Variants in ZNF44 observed in about 807,000 individuals in gnomAD.
ZNF44 encodes the protein gonadotropin inducible transcription repressor-2.
A neutral mutation model predicts 11.7 loss-of-function variants in ZNF44; 9 were observed. That is an observed-to-expected ratio of 0.77 (90% confidence interval 0.46 to 1.35). The LOEUF (loss-of-function observed/expected upper bound fraction) is 1.35. ZNF44 is among the 40% of genes most tolerant of loss of function. The probability of loss-of-function intolerance (pLI) is 0.00; values close to 1 mark genes in which losing one functional copy is unlikely to be tolerated. For synonymous variants in ZNF44, 224 were observed against 242.7 expected (o/e 0.92, Z 0.72); for missense variants, 696 against 743.1 (o/e 0.94, Z 0.74).
intron 3 of ZNF44, among the ~76,000 whole-genome samples, chr19:12,227,361 G>A (rs1280068529): frequency 6.6e-6 from 1 of 152,240 alleles, no homozygotes; most frequent in African/African-American, 2.4e-5. Flanking sequence ...AGCAGTTTGG[G>A]AGGCCAAGGC....
Position 12,273,753 on chromosome 19 carries a change from G to A in ZNF44, c.502C>T (p.Pro168Ser). 1.2e-6 allele frequency: 2 copies of A among 1,614,142 alleles called. No homozygotes were observed. The highest frequency in any genetic ancestry group is 8.5e-7 in the Non-Finnish European group (1 of 1,180,022). ...TCERPHTGKK[P>S]YDCKECGKTF... ...TTTCCACATTCCTTACAATCATAGG[G>A]TTTCTTTCCAGTGTGAGGCCTTTCA... Residue 168 changes from proline (P) to serine (S), a missense_variant, in exon 4 of 4, where the codon CCC becomes TCC. Coordinates refer to ENST00000355684, the MANE Select transcript of ZNF44 (RefSeq NM_016264.4).
In ZNF44 at chr19:12,272,233, G is replaced by A; in HGVS notation, c.*174C>T. The A allele has an allele frequency of 9.1e-7, 1 of 1,098,330 alleles. No homozygotes were observed. Among genetic ancestry groups the A allele is most frequent in the Non-Finnish European group, 1.2e-6 (1 of 854,760 alleles). The allele number at this position is 1,098,330 out of a possible 1,614,324, so 68.0% of individuals were successfully genotyped here. A position where few individuals can be genotyped will look rare whatever the true frequency, so the allele number is the denominator to read the frequency against. ...TTAGCCAGGCTGGTCTCGATCTCCT[G>A]GCCTCGTGATCTGCCCTCCTCGGCC... On this transcript the variant is annotated 3_prime_UTR_variant, in exon 4 of 4. Coordinates refer to ENST00000355684, the MANE Select transcript of ZNF44 (RefSeq NM_016264.4).
intron 1 of ZNF44, among the ~76,000 whole-genome samples, chr19:12,285,412 C>T (rs1003026305): frequency 1.3e-5 from 2 of 152,188 alleles, no homozygotes; most frequent in African/African-American, 4.8e-5. Flanking sequence ...CCCGCCACCA[C>T]GTCCGGATAT....
At chr19:12,235,832 C>A (rs564837910) in intron 1 of ZNF44, among the ~76,000 whole-genome samples, 1 of 152,146 alleles carries the variant, frequency 6.6e-6, no homozygotes, top group Admixed American at 6.5e-5. Context: ...GGGTCAACCC[C>A]AGGAAGTTCT....
intron 5 of ZNF44, among the ~76,000 whole-genome samples, chr19:12,263,439 T>C (rs1271186798): frequency 1.3e-5 from 2 of 151,906 alleles, no homozygotes; most frequent in African/African-American, 2.4e-5. Flanking sequence ...TCACAGACTT[T>C]CTCAACATGT....
chr19:12,284,599 T>TG (rs1462936268), intron 1 of ZNF44: 2 of 716,346 alleles, frequency 2.8e-6, no homozygotes, highest in Admixed American at 3.8e-5. Context: ...GACTTGTTCC[T>TG]GGGGGCCTCT....
At chr19:12,250,307 T>C in exon 6 of ZNF44, 1 of 1,367,192 alleles carries the variant, frequency 7.3e-7, no homozygotes, top group Non-Finnish European at 9.8e-7. Flanking sequence ...CTGTGAAGGA[T>C]CCAGCAAAGT....
upstream of ZNF44, among the ~76,000 whole-genome samples, chr19:12,242,554 G>T (rs930009608): frequency 8.7e-5 from 13 of 149,454 alleles, no homozygotes; most frequent in African/African-American, 1.2e-4. Flanking sequence ...ATTGGCACAC[G>T]GCTCACACCT....
intron 1 of ZNF44, among the ~76,000 whole-genome samples, chr19:12,285,970 G>A (rs1967724351): frequency 7.1e-6 from 1 of 141,698 alleles, no homozygotes; most frequent in Non-Finnish European, 1.5e-5. Context: ...AGTGAGCCGA[G>A]ATCACGCCAC....
At chr19:12,250,965 C>A (rs780813182) in intron 5 of ZNF44, among the ~76,000 whole-genome samples, 3 of 152,156 alleles carry the variant, frequency 2.0e-5, no homozygotes, top group Admixed American at 1.3e-4. Flanking sequence ...ATGGCTCACA[C>A]GTGTAATCCT....
chr19:12,233,549 T>TC (rs1491566167), intron 2 of ZNF44, among the ~76,000 whole-genome samples: 4,384 of 49,234 alleles, frequency 0.089, 247 homozygotes, highest in African/African-American at 0.31. Context: ...AACCCATACA[T>TC]CAAAAAAAAA....
Position 12,273,105 on chromosome 19 carries a change from T to A in ZNF44, c.1150A>T (p.Met384Leu), listed in dbSNP as rs375340255. ...LSHRSSFRRH[M>L]MAHTGDGPHK... ...GGGCCATCTCCAGTGTGTGCCATCA[T>A]GTGTCTTCGAAAGCTTGAGCGATGA... is the stretch of plus-strand genomic sequence containing the variant. Residue 384 changes from methionine (M) to leucine (L), a missense_variant, in exon 4 of 4, where the codon ATG becomes TTG. Physicochemically the swap from Met to Leu is conservative, Grantham distance 15. Coordinates refer to ENST00000355684, the MANE Select transcript of ZNF44 (RefSeq NM_016264.4). 6.2e-7 allele frequency: 1 copy of A among 1,613,950 alleles called. No individual in the cohort carries two copies.
chr19:12,288,774 G>GTATGTATATA (rs1967869265), intron 1 of ZNF44, among the ~76,000 whole-genome samples: 1 of 76,840 alleles, frequency 1.3e-5, no homozygotes, highest in African/African-American at 9.1e-5. Context: ...AAAAAAAAAT[G>GTATGTATATA]TATATATATA....
intron 2 of ZNF44, among the ~76,000 whole-genome samples, chr19:12,234,016 C>T (rs1478732358): frequency 2.0e-5 from 3 of 150,766 alleles, no homozygotes; most frequent in East Asian, 1.9e-4. Context: ...GAGCTGAGAT[C>T]GCGCTGCTGC....
chr19:12,249,507 GAAAAA>G (rs958860050), intron 7 of ZNF44, among the ~76,000 whole-genome samples: 3 of 60,760 alleles, frequency 4.9e-5, no homozygotes, highest in Admixed American at 3.7e-4. Flanking sequence ...CTCCGTCTCA[GAAAAA>G]AAAAAAAAAA....
downstream of ZNF44, among the ~76,000 whole-genome samples, chr19:12,270,322 A>G (rs566454176): frequency 6.2e-4 from 94 of 152,180 alleles, no homozygotes; most frequent in Non-Finnish European, 1.1e-3. Context: ...TACAAAACAA[A>G]AATTTAATTT....
chr19:12,235,762 G>A (rs1010089313), intron 1 of ZNF44, among the ~76,000 whole-genome samples: 6 of 152,152 alleles, frequency 3.9e-5, no homozygotes, highest in Non-Finnish European at 8.8e-5. Flanking sequence ...TCCTCTGGGA[G>A]TGAACCAGAG....
intron 5 of ZNF44, among the ~76,000 whole-genome samples, chr19:12,261,253 T>C (rs1209019452): frequency 2.0e-5 from 3 of 152,138 alleles, no homozygotes; most frequent in Non-Finnish European, 4.4e-5. Flanking sequence ...TGTCCAGAAG[T>C]AGGGCATTAA....
intron 1 of ZNF44, among the ~76,000 whole-genome samples, chr19:12,292,190 T>C (rs928658150): frequency 3.3e-5 from 5 of 151,734 alleles, no homozygotes; most frequent in Non-Finnish European, 5.9e-5. Context: ...TAGTAGGGCA[T>C]GGTGGGCATT....
Sources: allele counts gnomAD v4.1 joint callset (sites outside exome capture counted in the v4.1 genomes callset), GRCh38; gene constraint gnomAD v4.1.1; transcripts MANE v1.5; gene names NCBI Gene and HGNC (gene_info 2026-07-23, HGNC 2026-07-21).